Variants in PRDM1 observed in about 807,000 individuals in gnomAD.
PRDM1 encodes PR domain zinc finger protein 1.
Under a neutral mutation model 62.8 loss-of-function variants are expected in PRDM1, and 13 were observed. The ratio of observed to expected loss-of-function variants is 0.21; its 90% CI spans 0.13 to 0.33. PRDM1 has a LOEUF of 0.33. Among genes scored for constraint, PRDM1 ranks in the 10% least tolerant of loss-of-function variants. The probability of loss-of-function intolerance (pLI) is 1.00; values close to 1 mark genes in which losing one functional copy is unlikely to be tolerated. For missense variants in PRDM1, 895 were observed against 1,058.8 expected, an observed-to-expected ratio of 0.85 and a Z score of 2.15; for synonymous variants, 396 against 417.6, an observed-to-expected ratio of 0.95 and a Z score of 0.63.
At chr6:106,053,284 AT>A (rs1773207935) in intron 1 of PRDM1, among the ~76,000 whole-genome samples, 1 of 152,146 alleles carries the variant, frequency 6.6e-6, no homozygotes. Context: ...TTTAATTTGA[AT>A]TTCTAATCAA....
intron 1 of PRDM1, among the ~76,000 whole-genome samples, chr6:106,072,781 T>C (rs1352159872): frequency 6.6e-6 from 1 of 152,198 alleles, no homozygotes; most frequent in Non-Finnish European, 1.5e-5. Flanking sequence ...AGCTGTTCTC[T>C]GGAAAGAGGA....
At chr6:106,014,045 A>G (rs1772588109) in intron 1 of PRDM1, among the ~76,000 whole-genome samples, 1 of 146,972 alleles carries the variant, frequency 6.8e-6, no homozygotes, top group African/African-American at 2.5e-5. Context: ...TGCTAACTCT[A>G]TGAGGACAAG....
At chr6:105,998,135 TATAG>T (rs1443105222) in intron 1 of PRDM1, among the ~76,000 whole-genome samples, 2 of 152,236 alleles carry the variant, frequency 1.3e-5, no homozygotes, top group African/African-American at 4.8e-5. Context: ...AGTTTGCTCT[TATAG>T]ATAAACATTG....
chr6:106,017,182 A>G (rs540466015), intron 1 of PRDM1, among the ~76,000 whole-genome samples: 1 of 152,344 alleles, frequency 6.6e-6, no homozygotes, highest in South Asian at 2.1e-4. Context: ...TGGGGAGTCA[A>G]AAGTTATATG....
At chr6:106,086,644 CTT>C in intron 1 of PRDM1, 49 bp downstream of exon 1, 2 of 1,458,076 alleles carry the variant, frequency 1.4e-6, no homozygotes, top group South Asian at 1.2e-5. Context: ...GATCTGAAAA[CTT>C]TATTTTCTTT....
intron 1 of PRDM1, among the ~76,000 whole-genome samples, chr6:106,028,756 C>T (rs1232263828): frequency 3.3e-5 from 5 of 152,028 alleles, no homozygotes; most frequent in Non-Finnish European, 7.4e-5. Flanking sequence ...CCCCCACCCC[C>T]GAAGTTTTCC....
At chr6:106,092,798 C>T (rs575824058) in intron 2 of PRDM1, among the ~76,000 whole-genome samples, 2 of 152,236 alleles carry the variant, frequency 1.3e-5, no homozygotes, top group African/African-American at 4.8e-5. Flanking sequence ...GTGTCTCAGA[C>T]GTGCATTTGA....
chr6:106,027,524 C>T (rs565419629), intron 1 of PRDM1, among the ~76,000 whole-genome samples: 1 of 151,898 alleles, frequency 6.6e-6, no homozygotes, highest in African/African-American at 2.4e-5. Flanking sequence ...AATGGGAGGG[C>T]GGACTTCAAA....
chr6:106,094,444 T>G (rs1774039173), intron 2 of PRDM1, among the ~76,000 whole-genome samples: 1 of 152,178 alleles, frequency 6.6e-6, no homozygotes, highest in Non-Finnish European at 1.5e-5. Flanking sequence ...GGTTGGTGAT[T>G]TTTTTACCCC....
chr6:106,028,249 G>A (rs530330412), intron 1 of PRDM1, among the ~76,000 whole-genome samples: 2 of 152,122 alleles, frequency 1.3e-5, no homozygotes, highest in African/African-American at 2.4e-5. Flanking sequence ...CGGTCCAATC[G>A]CATGTATTTT....
intron 1 of PRDM1, among the ~76,000 whole-genome samples, chr6:106,027,000 T>A (rs1034799553): frequency 2.0e-5 from 3 of 152,226 alleles, no homozygotes; most frequent in African/African-American, 7.2e-5. Flanking sequence ...TACCGCAACT[T>A]GCATCAGTTC....
chr6:106,009,461 A>T (rs1178272479), intron 1 of PRDM1, among the ~76,000 whole-genome samples: 6 of 152,284 alleles, frequency 3.9e-5, no homozygotes, highest in South Asian at 2.1e-4. Context: ...TCCCCCCAGG[A>T]TTATATTTTC....
At chr6:106,048,645 G>A (rs1773118241) in exon 1 of PRDM1, among the ~76,000 whole-genome samples, 1 of 152,106 alleles carries the variant, frequency 6.6e-6, no homozygotes, top group Admixed American at 6.5e-5. Context: ...CAGTAAAGTG[G>A]GGTTGCCTGG....
chr6:106,095,538 T>C, intron 2 of PRDM1, 77 bp from the exon 3 acceptor site: 1 of 1,522,140 alleles, frequency 6.6e-7, no homozygotes, highest in Non-Finnish European at 9.0e-7. Flanking sequence ...TACTTGACAG[T>C]CCAATTTATT....
chr6:106,086,269 C>CA (rs1374382041), upstream of PRDM1: 1 of 406,216 alleles, frequency 2.5e-6, no homozygotes, highest in Non-Finnish European at 4.4e-6. Context: ...CCACGTTGGC[C>CA]ACGCCCCCAC....
intron 2 of PRDM1, among the ~76,000 whole-genome samples, chr6:106,090,857 G>A (rs1320965207): frequency 1.3e-5 from 2 of 148,396 alleles, no homozygotes; most frequent in East Asian, 2.0e-4. Flanking sequence ...TTTTCATTAT[G>A]AATTTGTACC....
At chr6:106,005,130 TC>T (rs2114545329) in intron 1 of PRDM1, among the ~76,000 whole-genome samples, 1 of 152,358 alleles carries the variant, frequency 6.6e-6, no homozygotes, top group African/African-American at 2.4e-5. Context: ...TTTAAACACC[TC>T]TTATCAAAAC....
Position 106,089,510 on chromosome 6 carries a change from G to T in PRDM1, c.291+1061G>T, listed in dbSNP as rs78346760. 6.3e-3 allele frequency among the ~76,000 whole-genome samples: 965 copies of T among 152,304 alleles called. 27 individuals carry two copies. Among genetic ancestry groups the T allele is most frequent in the East Asian group, 0.048 (249 of 5,188 alleles). On this transcript the variant is annotated intron_variant, in intron 2 of 6. Coordinates refer to ENST00000369096, the MANE Select transcript of PRDM1 (RefSeq NM_001198.4). ...GAAATGCTTTGTCTCTTTCCTGTTT[G>T]TGTGTCTGAGTCCAGTGTTTTTGGT...
chr6:106,078,042 G>T (rs1476965457), intron 1 of PRDM1, among the ~76,000 whole-genome samples: 1 of 152,172 alleles, frequency 6.6e-6, no homozygotes, highest in Non-Finnish European at 1.5e-5. Context: ...TCTACTTCCT[G>T]CGTCCATCTT....
Sources: allele counts gnomAD v4.1 joint callset (sites outside exome capture counted in the v4.1 genomes callset), GRCh38; gene constraint gnomAD v4.1.1; transcripts MANE v1.5; gene names NCBI Gene and HGNC (gene_info 2026-07-23, HGNC 2026-07-21).